Variants in C3 observed in about 807,000 individuals in gnomAD.
The protein encoded by C3 is complement C3.
Under a neutral mutation model 207.9 loss-of-function variants are expected in C3, and 97 were observed. That is an observed-to-expected ratio of 0.47 (90% CI 0.40 to 0.55). The LOEUF (loss-of-function observed/expected upper bound fraction) is 0.55. C3 is among the 20% of genes least tolerant of loss of function. The pLI is 0.00. For missense variants in C3, 1,684 were observed against 2,171.7 expected (o/e 0.78, Z 4.46); for synonymous variants, 848 against 857.6 (o/e 0.99, Z 0.20).
chr19:6,717,764 T>G, intron 4 of C3: 2 of 479,910 alleles, frequency 4.2e-6, no homozygotes, highest in Non-Finnish European at 7.7e-6. Flanking sequence ...GTCATGCACG[T>G]TGTGCTGTGT....
intron 36 of C3, 60 bp downstream of exon 36, chr19:6,680,098 T>G (rs1026823904): frequency 1.1e-6 from 1 of 893,582 alleles, no homozygotes; most frequent in Non-Finnish European, 1.9e-6. Context: ...AATTCATATA[T>G]ACCTGGGACT....
intron 15 of C3, 102 bp from the exon 16 acceptor site, chr19:6,707,639 T>C: frequency 6.5e-7 from 1 of 1,532,908 alleles, no homozygotes; most frequent in Non-Finnish European, 9.0e-7. Flanking sequence ...CCTGCTCCCA[T>C]TTGATGGAAG....
chr19:6,703,377 G>A (rs1351589764), intron 17 of C3, among the ~76,000 whole-genome samples: 1 of 152,144 alleles, frequency 6.6e-6, no homozygotes, highest in Non-Finnish European at 1.5e-5. Context: ...GGAGGCCGAG[G>A]CGGGTGGATC....
At chr19:6,699,147 T>C (rs1178692160) in intron 19 of C3, among the ~76,000 whole-genome samples, 1 of 152,168 alleles carries the variant, frequency 6.6e-6, no homozygotes, top group Admixed American at 6.5e-5. Flanking sequence ...TAAATCTTAA[T>C]TTTTTAAAAA....
chr19:6,713,543 C>T (rs745439214), intron 7 of C3, 34 bp from the exon 8 acceptor site: 1 of 1,515,858 alleles, frequency 6.6e-7, no homozygotes. Flanking sequence ...TCAGGTCCAT[C>T]CCTCCTGGAG....
chr19:6,708,182 G>A (rs1157494626), intron 14 of C3, among the ~76,000 whole-genome samples: 1 of 151,676 alleles, frequency 6.6e-6, no homozygotes, highest in Non-Finnish European at 1.5e-5. Flanking sequence ...TGTCACCCAG[G>A]CTGGAGTGCA....
chr19:6,708,655 C>T (rs1337888002), intron 14 of C3, among the ~76,000 whole-genome samples: 2 of 148,238 alleles, frequency 1.3e-5, no homozygotes, highest in African/African-American at 5.0e-5. Context: ...CTGTTTCTCT[C>T]TCTCTTCTTT....
In C3 at chr19:6,719,392, A is replaced by AT; in HGVS notation, c.85dup (p.Ile29AsnfsTer44). 6.2e-7 allele frequency: 1 copy of AT among 1,613,936 alleles called. No individual in the cohort carries two copies. Among genetic ancestry groups the AT allele is most frequent in the Non-Finnish European group, 8.5e-7 (1 of 1,179,904 alleles). On this transcript the variant is annotated frameshift_variant, in exon 2 of 41. Coordinates refer to ENST00000245907, the MANE Select transcript of C3 (RefSeq NM_000064.4). LOFTEE classifies it high-confidence loss of function. This position sits in a 1 kb window ranked among gnomAD's most constrained non-coding sequence, Gnocchi z 5.4. ...CTCCAGCCGCAAGATGTTGGGGGTGATGATAGAGTACCTGTCGGAGTGGGG... is the reference window on the plus strand; with the variant it reads ...CTCCAGCCGCAAGATGTTGGGGGTGATTGATAGAGTACCTGTCGGAGTGGGG...
rs1918119199 is a variant in C3 at position 6,689,549 on chromosome 19, C to G, written c.3489+1080G>C. On this transcript the variant is annotated intron_variant, in intron 27 of 40. Transcript: ENST00000245907. ...AAAGCTAAACGTTAAACAACCCACT[C>G]AAAACCCCACGATCAGCTAGGTGCA... 2.0e-5 allele frequency among the ~76,000 whole-genome samples: 3 copies of G among 152,032 alleles called. No individual in the cohort carries two copies. In the South Asian group the frequency reaches 6.2e-4, roughly 32 times the overall value.
chr19:6,705,462 C>A (rs1967755272), intron 17 of C3, among the ~76,000 whole-genome samples: 2 of 151,382 alleles, frequency 1.3e-5, no homozygotes, highest in South Asian at 4.2e-4. Flanking sequence ...CCCACCTCAG[C>A]CTCCTGAGTA....
Position 6,700,562 on chromosome 19 carries a change from AAT to A in C3, c.2440+1563_2440+1564del, listed in dbSNP as rs1351296767. Among the ~76,000 whole-genome samples the A allele has an allele frequency of 1.5e-3, 64 of 41,884 alleles. 1 individual carries two copies. The highest frequency in any genetic ancestry group is 7.7e-3 in the African/African-American group (45 of 5,868). The allele number at this position is 41,884 out of a possible 152,430, so 27.5% of individuals were successfully genotyped here. A position where few individuals can be genotyped will look rare whatever the true frequency, so the allele number is the denominator to read the frequency against. On this transcript the variant is annotated intron_variant, in intron 19 of 40. Coordinates refer to ENST00000245907, the MANE Select transcript of C3 (RefSeq NM_000064.4). ...TATATATGTAATATATAATATATGT[AAT>A]ATATGATATATTATATATGTAATAT...
intron 35 of C3, among the ~76,000 whole-genome samples, chr19:6,680,785 T>C: frequency 6.6e-6 from 1 of 152,068 alleles, no homozygotes; most frequent in East Asian, 1.9e-4. Context: ...CCTGTGGGTA[T>C]CAGGAGTTAG....
chr19:6,707,921 G>C lies in C3; in HGVS notation c.1854C>G (p.Asp618Glu). 3 of 1,613,808 alleles carry C rather than the reference G, an allele frequency of 1.9e-6. No homozygotes were observed. The highest frequency in any genetic ancestry group is 1.7e-5 in the Admixed American group (1 of 60,022). ...AGCCGATGTCTGCCTTCTCCACCAC[G>C]TCCCAGATCTGCGGGGGGCATAGGG... ...KNKLTQSKIWDVVEKADIGCT... is the reference protein window; with the variant it reads ...KNKLTQSKIWEVVEKADIGCT... The change falls in exon 15 of 41, where the codon GAC becomes GAG. Residue 618 changes from aspartate to glutamate, a missense_variant. By Grantham distance (45) the Asp-to-Glu change is conservative. Coordinates refer to ENST00000245907, the MANE Select transcript of C3 (RefSeq NM_000064.4).
At chr19:6,689,329 C>G (rs1918098188) in intron 27 of C3, among the ~76,000 whole-genome samples, 4 of 54,238 alleles carry the variant, frequency 7.4e-5, no homozygotes, top group East Asian at 7.1e-4. Flanking sequence ...CTCTACCTAC[C>G]TCCCTCCCTC....
At chr19:6,702,272 A>G (rs899364529) in intron 18 of C3, 60 bp from the exon 19 acceptor site, 2 of 1,175,730 alleles carry the variant, frequency 1.7e-6, no homozygotes, top group Non-Finnish European at 2.5e-6. Flanking sequence ...GTAGAGGGGA[A>G]GAACTGGTGC....
At chr19:6,679,324 TG>T in intron 37 of C3, 82 bp downstream of exon 37, 3 of 1,423,988 alleles carry the variant, frequency 2.1e-6, no homozygotes, top group Non-Finnish European at 3.0e-6. Flanking sequence ...GGTATGGGTC[TG>T]GGGGTCCCTG....
At chr19:6,706,492 C>G (rs1484136145) in intron 17 of C3, among the ~76,000 whole-genome samples, 1 of 152,154 alleles carries the variant, frequency 6.6e-6, no homozygotes, top group African/African-American at 2.4e-5. Flanking sequence ...GCTTCTCTGA[C>G]TTGATCCTCC....
chr19:6,704,391 T>C (rs545989633), intron 17 of C3, among the ~76,000 whole-genome samples: 4 of 152,168 alleles, frequency 2.6e-5, no homozygotes, highest in Admixed American at 6.5e-5. Context: ...TCAAACATGA[T>C]AGACAGGCTT....
intron 14 of C3, 113 bp from the exon 15 acceptor site, chr19:6,708,042 A>G (rs1190102569): frequency 4.2e-6 from 5 of 1,197,922 alleles, no homozygotes; most frequent in African/African-American, 1.5e-5. Context: ...TCCCACTCTC[A>G]TCTCCCCCAT....
Sources: gnomAD v4.1 joint callset for allele counts (sites outside exome capture counted in the v4.1 genomes callset) on GRCh38, gnomAD v4.1.1 for gene constraint, Gnocchi (gnomAD v3.1) non-coding constraint, MANE v1.5 for transcripts, NCBI Gene and HGNC (gene_info 2026-07-23, HGNC 2026-07-21) for gene names.